Variants in ADGRB3 observed in about 807,000 individuals in gnomAD.
ADGRB3 encodes adhesion G protein-coupled receptor B3.
A neutral mutation model predicts 193.4 loss-of-function variants in ADGRB3; 37 were observed. The observed-to-expected ratio is 0.19, with a 90% confidence interval of 0.15 to 0.25. The LOEUF (loss-of-function observed/expected upper bound fraction) is 0.25, where lower values mean the gene tolerates loss of function less well. Ranked by LOEUF, ADGRB3 falls within the 10% of genes least tolerant of loss-of-function variation. The pLI, the probability that ADGRB3 is intolerant of heterozygous loss-of-function variation, is 1.00. For synonymous variants in ADGRB3, 690 were observed against 644.2 expected, an observed-to-expected ratio of 1.07 and a Z score of -1.08; for missense variants, 1,637 against 1,852.9, an observed-to-expected ratio of 0.88 and a Z score of 2.14.
chr6:68,782,128 C>G (rs978305622), intron 3 of ADGRB3, among the ~76,000 whole-genome samples: 1 of 116,194 alleles, frequency 8.6e-6, no homozygotes, highest in Non-Finnish European at 1.7e-5. Flanking sequence ...CCCCTCCCCC[C>G]ACCCCACAAC....
chr6:69,062,904 C>T (rs1320865649), intron 15 of ADGRB3, 30 bp from the exon 16 acceptor site: 2 of 1,516,192 alleles, frequency 1.3e-6, no homozygotes, highest in Admixed American at 3.4e-5. Context: ...GCACTCATTT[C>T]TCCTTTTAAT....
intron 3 of ADGRB3, among the ~76,000 whole-genome samples, chr6:68,889,526 G>A (rs1188955738): frequency 3.5e-5 from 5 of 144,744 alleles, no homozygotes; most frequent in Admixed American, 1.4e-4. Flanking sequence ...TTTTTGAGAC[G>A]GCTTCTCGCT....
chr6:69,184,602 A>G (rs1582527086), intron 17 of ADGRB3, among the ~76,000 whole-genome samples: 1 of 152,122 alleles, frequency 6.6e-6, no homozygotes, highest in East Asian at 1.9e-4. Flanking sequence ...AAACTAGCTT[A>G]GCATTATTGC....
At chr6:69,272,310 G>T (rs1361380355) in intron 20 of ADGRB3, among the ~76,000 whole-genome samples, 1 of 152,150 alleles carries the variant, frequency 6.6e-6, no homozygotes, top group African/African-American at 2.4e-5. Context: ...GGAGGAGATG[G>T]GCAGGTCAGC....
At chr6:69,322,501 C>T (rs1395932723) in intron 20 of ADGRB3, among the ~76,000 whole-genome samples, 1 of 151,892 alleles carries the variant, frequency 6.6e-6, no homozygotes, top group African/African-American at 2.4e-5. Context: ...TCTGCACAAC[C>T]TCAGCAGCAT....
Position 68,913,591 on chromosome 6 carries a change from GA to G in ADGRB3, c.758-16962del, listed in dbSNP as rs947340470. 3.3e-4 allele frequency among the ~76,000 whole-genome samples: 50 copies of G among 152,234 alleles called. 1 individual carries two copies. The highest frequency in any genetic ancestry group is 1.2e-3 in the African/African-American group (49 of 41,556). ...AAGTAGATAAAACCACAAAGATGGG[GA>G]AAAAACAGAGCAGAAAACCTGGAAA... On this transcript the variant is annotated intron_variant, in intron 3 of 31. Coordinates refer to ENST00000370598, the MANE Select transcript of ADGRB3 (RefSeq NM_001704.3).
intron 17 of ADGRB3, among the ~76,000 whole-genome samples, chr6:69,189,136 C>T (rs1010091087): frequency 3.9e-5 from 6 of 152,098 alleles, no homozygotes; most frequent in African/African-American, 9.7e-5. Flanking sequence ...GAAATGAAAA[C>T]GAAACTGAAG....
intron 13 of ADGRB3, among the ~76,000 whole-genome samples, chr6:69,024,341 T>C (rs1290312874): frequency 1.3e-5 from 2 of 152,188 alleles, no homozygotes; most frequent in Non-Finnish European, 2.9e-5. Flanking sequence ...CTTTATGGGA[T>C]TCTCAATTCT....
At chr6:69,094,548 T>C (rs1181596645) in intron 17 of ADGRB3, among the ~76,000 whole-genome samples, 3 of 152,210 alleles carry the variant, frequency 2.0e-5, no homozygotes, top group Admixed American at 6.5e-5. Flanking sequence ...GGATGAAAGA[T>C]TGAATTATTC....
At chr6:69,354,157 G>A (rs1769286385) in intron 26 of ADGRB3, 76 bp from the exon 27 acceptor site, 1 of 1,039,230 alleles carries the variant, frequency 9.6e-7, no homozygotes, top group Non-Finnish European at 1.5e-6. Context: ...CACTGCCTCA[G>A]AGCTGATTGC....
chr6:69,351,384 G>A (rs955350100), intron 26 of ADGRB3, among the ~76,000 whole-genome samples: 5 of 152,084 alleles, frequency 3.3e-5, no homozygotes, highest in Admixed American at 1.3e-4. Context: ...GAGCCACCAC[G>A]CCCTGCCCCC....
chr6:69,119,732 A>T (rs1240428557), intron 17 of ADGRB3, among the ~76,000 whole-genome samples: 1 of 152,230 alleles, frequency 6.6e-6, no homozygotes, highest in African/African-American at 2.4e-5. Flanking sequence ...GGGAAGACTT[A>T]TCAGGAGCGG....
intron 24 of ADGRB3, among the ~76,000 whole-genome samples, chr6:69,337,838 TTC>T (rs946746376): frequency 1.3e-5 from 2 of 152,164 alleles, no homozygotes; most frequent in African/African-American, 2.4e-5. Flanking sequence ...TCTTACAACT[TTC>T]TCTCTTCTGC....
At chr6:68,691,029 T>C (rs1765063548) in intron 3 of ADGRB3, among the ~76,000 whole-genome samples, 1 of 152,100 alleles carries the variant, frequency 6.6e-6, no homozygotes, top group Non-Finnish European at 1.5e-5. Flanking sequence ...TTTACACATA[T>C]TAGGAAATTG....
At chr6:69,092,471 T>C (rs1772737034) in intron 17 of ADGRB3, among the ~76,000 whole-genome samples, 1 of 152,172 alleles carries the variant, frequency 6.6e-6, no homozygotes, top group African/African-American at 2.4e-5. Flanking sequence ...CCCCACCCTA[T>C]TCCAAACCTG....
intron 17 of ADGRB3, among the ~76,000 whole-genome samples, chr6:69,180,034 G>A (rs570862241): frequency 2.0e-4 from 31 of 152,340 alleles, no homozygotes; most frequent in Middle Eastern, 6.8e-3. Context: ...GCAGGCAAAA[G>A]CACCAATACT....
At chr6:69,063,812 C>G (rs1432988316) in intron 16 of ADGRB3, among the ~76,000 whole-genome samples, 1 of 151,970 alleles carries the variant, frequency 6.6e-6, no homozygotes, top group African/African-American at 2.4e-5. Context: ...TTTAAATATT[C>G]ACTTCAAATA....
rs184586410 is a variant in ADGRB3 at position 68,730,413 on chromosome 6, A to G, written c.757+90981A>G. ...AAACCTCATTCCTTCAGAAATTTGC[A>G]TTTTAAGATGGAATTATGACACAAA... On this transcript the variant is annotated intron_variant, in intron 3 of 31. Transcript: ENST00000370598. 2.4e-4 allele frequency among the ~76,000 whole-genome samples: 36 copies of G among 151,720 alleles called. 1 individual carries two copies. The South Asian group carries it at 6.0e-3, about 25-fold the overall frequency.
chr6:69,165,938 T>A (rs1356371524), intron 17 of ADGRB3, among the ~76,000 whole-genome samples: 4 of 152,076 alleles, frequency 2.6e-5, no homozygotes, highest in African/African-American at 4.8e-5. Context: ...TCTGAAAACA[T>A]GTTAAAATGA....
Sources: allele counts gnomAD v4.1 joint callset (sites outside exome capture counted in the v4.1 genomes callset), GRCh38; gene constraint gnomAD v4.1.1; transcripts MANE v1.5; gene names NCBI Gene and HGNC (gene_info 2026-07-23, HGNC 2026-07-21).